The following MCF2L variants were observed in gnomAD, a reference collection of about 807,000 sequenced individuals.
MCF2L encodes guanine nucleotide exchange factor DBS.
Under a neutral mutation model 153.4 loss-of-function variants are expected in MCF2L, and 97 were observed. That is an observed-to-expected ratio of 0.63 (90% CI 0.54 to 0.75). The LOEUF (loss-of-function observed/expected upper bound fraction) is 0.75, where lower values mean the gene tolerates loss of function less well. Among genes scored for constraint, MCF2L ranks in the 30% least tolerant of loss-of-function variants. The probability of loss-of-function intolerance (pLI) is 0.00; values close to 1 mark genes in which losing one functional copy is unlikely to be tolerated. For synonymous variants in MCF2L, 659 were observed against 632.2 expected (o/e 1.04, Z -0.64); for missense variants, 1,347 against 1,495.2 (o/e 0.90, Z 1.64).
At chr13:112,971,096 C>A (rs2082024158) in intron 1 of MCF2L, among the ~76,000 whole-genome samples, 1 of 152,196 alleles carries the variant, frequency 6.6e-6, no homozygotes, top group African/African-American at 2.4e-5. Context: ...TCTGCTCACG[C>A]TGTGTGAGGT....
At position 112,937,277 on chromosome 13, in the gene MCF2L, A is replaced by T. The variant is rs528928116; in HGVS notation, c.169+34906A>T. Among the ~76,000 whole-genome samples, 157 of 152,090 alleles carry T rather than the reference A, an allele frequency of 1.0e-3. 1 individual carries two copies. Among genetic ancestry groups the T allele is most frequent in the African/African-American group, 3.3e-3 (137 of 41,486 alleles). On this transcript the variant is annotated intron_variant, in intron 2 of 29. Transcript: ENST00000375608. ...ACCATATTGGCCAGGCTGATCTCGA[A>T]CTCCTAACCTCAAGTGATCTGCCCA...
intron 26 of MCF2L, among the ~76,000 whole-genome samples, chr13:113,093,359 C>T (rs1054201669): frequency 6.6e-6 from 1 of 152,266 alleles, no homozygotes; most frequent in Non-Finnish European, 1.5e-5. Flanking sequence ...GAAGGCAAAG[C>T]ACCCGGGTGG....
intron 18 of MCF2L, 174 bp from the exon 19 acceptor site, chr13:113,084,718 G>A (rs2034467430): frequency 1.6e-6 from 1 of 615,054 alleles, no homozygotes; most frequent in African/African-American, 1.8e-5. Context: ...CGGAGCCTGG[G>A]AGCCAGTGCC....
chr13:112,977,327 G>A (rs972181311), intron 1 of MCF2L, among the ~76,000 whole-genome samples: 4 of 152,164 alleles, frequency 2.6e-5, no homozygotes, highest in Non-Finnish European at 4.4e-5. Context: ...GGGGTGACAG[G>A]AAGAACTTGG....
chr13:112,982,900 G>A (rs1379090185), intron 1 of MCF2L, among the ~76,000 whole-genome samples: 1 of 152,160 alleles, frequency 6.6e-6, no homozygotes, highest in Non-Finnish European at 1.5e-5. Context: ...GGGCGCCGAG[G>A]TGTGGAGGGG....
chr13:112,984,180 A>T (rs2082543036), intron 1 of MCF2L, among the ~76,000 whole-genome samples: 1 of 151,870 alleles, frequency 6.6e-6, no homozygotes, highest in African/African-American at 2.4e-5. Context: ...GGGTATTTGG[A>T]GCTGAGTTCC....
intron 4 of MCF2L, among the ~76,000 whole-genome samples, chr13:113,059,779 C>A (rs899434556): frequency 1.3e-5 from 2 of 152,246 alleles, no homozygotes; most frequent in African/African-American, 4.8e-5. Context: ...GTTCCCACGC[C>A]TTGTAAGAGG....
chr13:113,030,774 G>A (rs936047828), intron 3 of MCF2L, among the ~76,000 whole-genome samples: 6 of 152,202 alleles, frequency 3.9e-5, no homozygotes, highest in African/African-American at 9.6e-5. Context: ...TCAGAGAGGC[G>A]ATAGAGACCA....
chr13:112,981,795 G>A (rs1273299640), intron 1 of MCF2L, among the ~76,000 whole-genome samples: 6 of 152,234 alleles, frequency 3.9e-5, no homozygotes, highest in African/African-American at 1.2e-4. Flanking sequence ...TGCCTGGGCC[G>A]CCAGCGTGAC....
At position 113,091,316 on chromosome 13, in the gene MCF2L, G is replaced by A. The variant is rs575950604; in HGVS notation, c.2953+1588G>A. The A allele has an allele frequency of 1.7e-4, 137 of 801,394 alleles. 1 individual carries two copies. Among genetic ancestry groups the A allele is most frequent in the Admixed American group, 1.2e-3 (41 of 35,184 alleles). 49.6% of individuals were successfully genotyped at this position (801,394 alleles called of 1,614,324 possible). A position where few individuals can be genotyped will look rare whatever the true frequency, so the allele number is the denominator to read the frequency against. ...ATGCTCTCGTGGGTCTTTATGCTGCGGAGGCAGACACGCGGTTGTGTTCAA... is the reference window on the plus strand; with the variant it reads ...ATGCTCTCGTGGGTCTTTATGCTGCAGAGGCAGACACGCGGTTGTGTTCAA... On this transcript the variant is annotated intron_variant, in intron 26 of 29. Coordinates refer to ENST00000535094, the MANE Select transcript of MCF2L (RefSeq NM_001112732.3).
chr13:113,084,241 G>GAA (rs2034419527), intron 18 of MCF2L, among the ~76,000 whole-genome samples, 174 bp downstream of exon 18: 2 of 151,344 alleles, frequency 1.3e-5, no homozygotes, highest in Admixed American at 6.6e-5. Flanking sequence ...TGAACCCCCA[G>GAA]AACCTCCTGA....
chr13:112,964,089 G>GGT (rs2081864587), intron 2 of MCF2L, among the ~76,000 whole-genome samples: 1 of 151,358 alleles, frequency 6.6e-6, no homozygotes, highest in African/African-American at 2.4e-5. Flanking sequence ...GGTGCACTTC[G>GGT]GTGCAGGGTT....
intron 2 of MCF2L, among the ~76,000 whole-genome samples, chr13:112,958,390 A>G (rs1225285480): frequency 6.6e-6 from 1 of 152,218 alleles, no homozygotes; most frequent in African/African-American, 2.4e-5. Context: ...TCTTAAGGCC[A>G]TGCAGGGATT....
At chr13:112,897,837 G>A (rs1006815791) in intron 1 of MCF2L, among the ~76,000 whole-genome samples, 13 of 152,200 alleles carry the variant, frequency 8.5e-5, no homozygotes, top group African/African-American at 3.1e-4. Context: ...TGGTGAGGGT[G>A]GTGCTGACTG....
At chr13:113,083,737 G>A (rs543921114) in intron 17 of MCF2L, among the ~76,000 whole-genome samples, 19 of 152,200 alleles carry the variant, frequency 1.2e-4, no homozygotes, top group Admixed American at 8.5e-4. Flanking sequence ...CCGTGTGTGT[G>A]CTGAGGGAAA....
upstream of MCF2L, chr13:112,968,095 G>T: frequency 5.2e-6 from 1 of 192,998 alleles, no homozygotes; most frequent in Non-Finnish European, 9.8e-6. Flanking sequence ...CTTCCTGCTG[G>T]AATTCTCTCT....
intron 2 of MCF2L, among the ~76,000 whole-genome samples, chr13:112,926,244 A>G (rs1176853821): frequency 6.6e-6 from 1 of 151,968 alleles, no homozygotes; most frequent in East Asian, 1.9e-4. Flanking sequence ...ATCTATATAC[A>G]CAGCGGAGTG....
chr13:112,964,171 G>A (rs951257131), intron 2 of MCF2L, among the ~76,000 whole-genome samples: 4 of 152,234 alleles, frequency 2.6e-5, no homozygotes, highest in African/African-American at 7.2e-5. Context: ...CCTGCCCACA[G>A]CAACAACTCT....
chr13:112,895,582 G>C (rs916277025), intron 1 of MCF2L, among the ~76,000 whole-genome samples: 2 of 152,116 alleles, frequency 1.3e-5, no homozygotes, highest in Admixed American at 6.5e-5. Flanking sequence ...TCGTGAGAAC[G>C]GAGTGCACAC....
Sources: allele counts gnomAD v4.1 joint callset (sites outside exome capture counted in the v4.1 genomes callset), GRCh38; gene constraint gnomAD v4.1.1; transcripts MANE v1.5; gene names NCBI Gene and HGNC (gene_info 2026-07-23, HGNC 2026-07-21).